Variants in MARCHF1 observed in about 807,000 individuals in gnomAD.
The protein encoded by MARCHF1 is E3 ubiquitin-protein ligase MARCHF1.
MARCHF1 carries 40 observed loss-of-function variants against 54.2 expected under a neutral mutation model. That is an observed-to-expected ratio of 0.74 (90% CI 0.57 to 0.96). The LOEUF (loss-of-function observed/expected upper bound fraction) is 0.96. Ranked by LOEUF, MARCHF1 falls within the 40% of genes least tolerant of loss-of-function variation. MARCHF1 has a pLI of 0.00. For synonymous variants in MARCHF1, 236 were observed against 236.3 expected, an observed-to-expected ratio of 1.00 and a Z score of 0.01; for missense variants, 586 against 656.5, an observed-to-expected ratio of 0.89 and a Z score of 1.17.
chr4:163,901,749 A>T (rs533983001), intron 3 of MARCHF1, among the ~76,000 whole-genome samples: 1 of 152,234 alleles, frequency 6.6e-6, no homozygotes, highest in South Asian at 2.1e-4. Context: ...GTTTTTGCAA[A>T]ATTTATGGAA....
chr4:164,378,777 T>C (rs575414798), intron 1 of MARCHF1, among the ~76,000 whole-genome samples: 24 of 152,334 alleles, frequency 1.6e-4, no homozygotes, highest in Non-Finnish European at 3.1e-4. Context: ...AATGGCACGA[T>C]CTTGGCTTGC....
At chr4:163,840,327 G>T (rs1365572487) in intron 4 of MARCHF1, among the ~76,000 whole-genome samples, 2 of 152,234 alleles carry the variant, frequency 1.3e-5, no homozygotes, top group African/African-American at 2.4e-5. Flanking sequence ...GCAGACATTT[G>T]TGTCGAAAGG....
rs191427602 is a variant in MARCHF1, at chr4:163,859,987, C to T, written c.-38-5818G>A. The stretch of plus-strand genomic sequence containing the variant: ...TAGACATAAAAATGAAATGTAGAGA[C>T]TTCCAGTTTAAGCTATGACATGTAA... On this transcript the variant is annotated intron_variant, in intron 3 of 9. Transcript: ENST00000514618. Among the ~76,000 whole-genome samples the T allele has an allele frequency of 2.8e-3, 434 of 152,300 alleles. 4 individuals carry two copies. The highest frequency in any genetic ancestry group is 3.2e-3 in the Non-Finnish European group (221 of 68,010).
intron 1 of MARCHF1, among the ~76,000 whole-genome samples, chr4:164,342,705 G>GA (rs1729965669): frequency 6.6e-6 from 1 of 151,766 alleles, no homozygotes; most frequent in African/African-American, 2.4e-5. Context: ...CAAGATATGG[G>GA]AAAAAAACAA....
At chr4:164,289,529 G>A (rs1734234289) in intron 1 of MARCHF1, among the ~76,000 whole-genome samples, 1 of 149,098 alleles carries the variant, frequency 6.7e-6, no homozygotes, top group Non-Finnish European at 1.5e-5. Context: ...GTGAATTAAA[G>A]GAGGTGAGTT....
intron 2 of MARCHF1, among the ~76,000 whole-genome samples, chr4:164,043,526 C>T (rs746472190): frequency 6.6e-6 from 1 of 151,792 alleles, no homozygotes; most frequent in Non-Finnish European, 1.5e-5. Flanking sequence ...GGCCCATAAA[C>T]CATTTTTCCT....
At chr4:163,938,304 T>C (rs1751843774) in intron 3 of MARCHF1, among the ~76,000 whole-genome samples, 1 of 152,142 alleles carries the variant, frequency 6.6e-6, no homozygotes, top group Admixed American at 6.6e-5. Flanking sequence ...CACAATACAA[T>C]CTCGATCCAA....
chr4:164,029,381 C>A (rs560868734), intron 2 of MARCHF1, among the ~76,000 whole-genome samples: 5 of 151,986 alleles, frequency 3.3e-5, no homozygotes, highest in African/African-American at 9.6e-5. Flanking sequence ...GTCATGAGAG[C>A]CCACTCACTC....
intron 1 of MARCHF1, among the ~76,000 whole-genome samples, chr4:164,318,017 C>G (rs770288528): frequency 6.6e-6 from 1 of 152,126 alleles, no homozygotes; most frequent in Non-Finnish European, 1.5e-5. Flanking sequence ...TTGCTTGGAT[C>G]TCAATCCTGG....
chr4:163,960,745 A>T (rs921061070), intron 3 of MARCHF1, among the ~76,000 whole-genome samples: 1 of 151,764 alleles, frequency 6.6e-6, no homozygotes, highest in Non-Finnish European at 1.5e-5. Context: ...TCTGCACAAT[A>T]AACCTCTGTT....
chr4:164,028,578 T>C (rs957150546), intron 2 of MARCHF1, among the ~76,000 whole-genome samples: 9 of 151,760 alleles, frequency 5.9e-5, no homozygotes, highest in African/African-American at 2.2e-4. Flanking sequence ...CTAGAAGGGG[T>C]AGGGAAACGA....
At chr4:164,051,840 A>G (rs1315265846) in intron 2 of MARCHF1, among the ~76,000 whole-genome samples, 3 of 152,344 alleles carry the variant, frequency 2.0e-5, no homozygotes, top group East Asian at 3.9e-4. Flanking sequence ...ATTTAACCGG[A>G]TTCCTTTAAA....
At chr4:164,287,527 C>A (rs1734180657) in intron 1 of MARCHF1, among the ~76,000 whole-genome samples, 1 of 152,162 alleles carries the variant, frequency 6.6e-6, no homozygotes, top group Admixed American at 6.5e-5. Flanking sequence ...TTTTAAAAGT[C>A]ACCAAGACTT....
chr4:163,619,667 G>T (rs1437741569), intron 5 of MARCHF1, among the ~76,000 whole-genome samples: 1 of 151,772 alleles, frequency 6.6e-6, no homozygotes, highest in Non-Finnish European at 1.5e-5. Context: ...AGTGGGAAAA[G>T]GTAGGTTATT....
At chr4:163,927,297 T>A (rs186428127) in intron 3 of MARCHF1, among the ~76,000 whole-genome samples, 57 of 151,896 alleles carry the variant, frequency 3.8e-4, no homozygotes, top group African/African-American at 1.4e-3. Context: ...ATAATTCTGG[T>A]CTTGCAGCTG....
intron 1 of MARCHF1, among the ~76,000 whole-genome samples, chr4:164,286,762 T>C (rs961105965): frequency 4.7e-5 from 7 of 149,674 alleles, no homozygotes; most frequent in Non-Finnish European, 8.9e-5. Context: ...AATCAGAACA[T>C]ACTGAAATAA....
chr4:164,078,559 CTA>C (rs1755027163), intron 2 of MARCHF1, among the ~76,000 whole-genome samples: 1 of 151,650 alleles, frequency 6.6e-6, no homozygotes, highest in African/African-American at 2.4e-5. Flanking sequence ...AAAAGAACAA[CTA>C]TGTTTGTTGT....
At chr4:163,832,732 C>CT (rs1163851074) in intron 4 of MARCHF1, among the ~76,000 whole-genome samples, 3 of 124,796 alleles carry the variant, frequency 2.4e-5, no homozygotes, top group Admixed American at 8.4e-5. Flanking sequence ...AATGCTATCC[C>CT]TCCCCCCTCC....
chr4:164,096,542 C>T (rs1755416394), intron 2 of MARCHF1, among the ~76,000 whole-genome samples: 1 of 151,114 alleles, frequency 6.6e-6, no homozygotes, highest in East Asian at 1.9e-4. Context: ...TGTAACAGAC[C>T]TGCACATGTA....
Sources: gnomAD v4.1 joint callset for allele counts (sites outside exome capture counted in the v4.1 genomes callset) on GRCh38, gnomAD v4.1.1 for gene constraint, MANE v1.5 for transcripts, NCBI Gene and HGNC (gene_info 2026-07-23, HGNC 2026-07-21) for gene names.